Variants in CSNK1G3 observed in about 807,000 individuals in gnomAD.
CSNK1G3 encodes casein kinase 1 gamma 3, also known as casein kinase I isoform gamma-3.
Under a neutral mutation model 64.3 loss-of-function variants are expected in CSNK1G3, and 23 were observed. The ratio of observed to expected loss-of-function variants is 0.36; its 90% CI spans 0.26 to 0.51. The LOEUF is 0.51. CSNK1G3 is among the 20% of genes least tolerant of loss of function. The probability of loss-of-function intolerance (pLI) is 0.96; values close to 1 mark genes in which losing one functional copy is unlikely to be tolerated. For missense variants in CSNK1G3, 357 were observed against 510.5 expected (o/e 0.70, Z 2.90); for synonymous variants, 158 against 162.2 (o/e 0.97, Z 0.20).
At chr5:123,512,816 A>AGCGGGGGCC (rs1201632676) in intron 1 of CSNK1G3, among the ~76,000 whole-genome samples, 16 of 149,452 alleles carry the variant, frequency 1.1e-4, no homozygotes, top group Admixed American at 9.9e-4. Context: ...GCTAGGGGGC[A>AGCGGGGGCC]GCGGGGGCCG....
intron 12 of CSNK1G3, among the ~76,000 whole-genome samples, chr5:123,606,750 CA>C (rs2151183876): frequency 6.6e-6 from 1 of 152,254 alleles, no homozygotes; most frequent in East Asian, 1.9e-4. Flanking sequence ...TCTGTGTTTA[CA>C]TCCTCCTGGA....
At chr5:123,608,336 GAA>G (rs1795726167) in intron 12 of CSNK1G3, among the ~76,000 whole-genome samples, 3 of 152,040 alleles carry the variant, frequency 2.0e-5, no homozygotes, top group Non-Finnish European at 4.4e-5. Context: ...CCAAATGATG[GAA>G]AATACTCTAT....
intron 1 of CSNK1G3, among the ~76,000 whole-genome samples, chr5:123,523,865 A>C (rs560164310): frequency 6.6e-6 from 1 of 152,200 alleles, no homozygotes; most frequent in Non-Finnish European, 1.5e-5. Context: ...TTCATTGTGG[A>C]AATAGCAAAT....
At chr5:123,600,540 G>C (rs1429791277) in intron 10 of CSNK1G3, among the ~76,000 whole-genome samples, 1 of 151,424 alleles carries the variant, frequency 6.6e-6, no homozygotes. Flanking sequence ...CAGGAGAATC[G>C]CTTGAACCCG....
chr5:123,546,274 T>C (rs1232243418), intron 2 of CSNK1G3, among the ~76,000 whole-genome samples: 1 of 152,156 alleles, frequency 6.6e-6, no homozygotes, highest in Admixed American at 6.6e-5. Context: ...ATTTACATCA[T>C]TGTAATTTAA....
At chr5:123,575,576 A>G (rs1789003803) in intron 5 of CSNK1G3, among the ~76,000 whole-genome samples, 153 bp from the exon 6 acceptor site, 1 of 152,226 alleles carries the variant, frequency 6.6e-6, no homozygotes, top group African/African-American at 2.4e-5. Flanking sequence ...CTATGTGAAG[A>G]ATGATAGGCT....
chr5:123,580,012 G>C (rs1471500536), intron 6 of CSNK1G3, among the ~76,000 whole-genome samples: 1 of 151,954 alleles, frequency 6.6e-6, no homozygotes, highest in African/African-American at 2.4e-5. Flanking sequence ...CGATGCCTTT[G>C]GATATGGAAT....
At chr5:123,570,185 C>G (rs1211326631) in intron 4 of CSNK1G3, among the ~76,000 whole-genome samples, 1 of 152,076 alleles carries the variant, frequency 6.6e-6, no homozygotes, top group African/African-American at 2.4e-5. Flanking sequence ...AATGGTTTTC[C>G]TGTTTTGGAA....
At chr5:123,552,495 C>T (rs1028732528) in intron 2 of CSNK1G3, among the ~76,000 whole-genome samples, 4 of 152,086 alleles carry the variant, frequency 2.6e-5, no homozygotes. Context: ...GATAAATATT[C>T]TTTCTTGTTT....
intron 1 of CSNK1G3, among the ~76,000 whole-genome samples, chr5:123,535,743 A>G (rs533697167): frequency 6.6e-6 from 1 of 152,114 alleles, no homozygotes; most frequent in African/African-American, 2.4e-5. Context: ...ATTTCTTGTC[A>G]TGTATCTTTA....
At chr5:123,592,693 T>G (rs1274739326) in intron 10 of CSNK1G3, among the ~76,000 whole-genome samples, 2 of 151,838 alleles carry the variant, frequency 1.3e-5, no homozygotes, top group African/African-American at 4.8e-5. Flanking sequence ...TTAAAAATCA[T>G]AGCAAAATAA....
chr5:123,605,300 T>C (rs1173629526), intron 11 of CSNK1G3, 39 bp from the exon 13 acceptor site: 24 of 1,570,600 alleles, frequency 1.5e-5, no homozygotes, highest in Non-Finnish European at 1.7e-5. Flanking sequence ...CTCTCTCTCT[T>C]TTTTTTCCTT....
chr5:123,577,980 C>A (rs1789511340), intron 6 of CSNK1G3, among the ~76,000 whole-genome samples: 1 of 151,874 alleles, frequency 6.6e-6, no homozygotes, highest in Non-Finnish European at 1.5e-5. Flanking sequence ...CATCCAACTT[C>A]TTTTGGTGGG....
rs1781723431 is a variant in CSNK1G3 at position 123,541,820 on chromosome 5, T to C, written c.-247-3597T>C. Among the ~76,000 whole-genome samples the C allele has an allele frequency of 2.0e-5, 3 of 152,124 alleles. No homozygotes were observed. In the South Asian group the frequency reaches 6.2e-4, roughly 32 times the overall value. ...CAATTTTTTTCTTTTTGGGGGAAAA[T>C]CTGGTCTATTTCATTTTATGTATGT... On this transcript the variant is annotated intron_variant, in intron 1 of 12. Coordinates refer to ENST00000345990, the Ensembl canonical transcript of CSNK1G3.
chr5:123,601,369 A>G (rs1581401065), intron 10 of CSNK1G3, among the ~76,000 whole-genome samples: 1 of 152,186 alleles, frequency 6.6e-6, no homozygotes, highest in East Asian at 1.9e-4. Flanking sequence ...TATGAAAGTC[A>G]ACAGCAGTAT....
chr5:123,537,734 G>A (rs1395793902), intron 1 of CSNK1G3, among the ~76,000 whole-genome samples: 1 of 152,098 alleles, frequency 6.6e-6, no homozygotes, highest in Non-Finnish European at 1.5e-5. Flanking sequence ...TTTAAATATA[G>A]TTTGATGAGT....
chr5:123,562,855 T>G (rs1255398236), intron 4 of CSNK1G3, among the ~76,000 whole-genome samples: 2 of 152,046 alleles, frequency 1.3e-5, no homozygotes, highest in South Asian at 2.1e-4. Flanking sequence ...ATTAGTCACT[T>G]TCTTGAGAAG....
chr5:123,548,459 C>CA (rs58778870), intron 2 of CSNK1G3, among the ~76,000 whole-genome samples: 1,426 of 78,858 alleles, frequency 0.018, 41 homozygotes, highest in African/African-American at 0.036. Flanking sequence ...GACTCTGTCT[C>CA]AAAAAAAAAA....
intron 2 of CSNK1G3, among the ~76,000 whole-genome samples, chr5:123,551,594 T>G (rs1783662731): frequency 1.3e-5 from 2 of 152,154 alleles, no homozygotes; most frequent in Admixed American, 1.3e-4. Flanking sequence ...AATATTTGTA[T>G]AAATAAACAC....
Sources: gnomAD v4.1 joint callset for allele counts (sites outside exome capture counted in the v4.1 genomes callset) on GRCh38, gnomAD v4.1.1 for gene constraint, MANE v1.5 for transcripts, NCBI Gene and HGNC (gene_info 2026-07-23, HGNC 2026-07-21) for gene names.